CRYBA4: variants seen among roughly 807,000 people sequenced by gnomAD.
The protein encoded by CRYBA4 is crystallin beta A4, also known as beta-crystallin A4.
In CRYBA4, 30 loss-of-function variants were observed where a neutral mutation model predicts 31.7. The observed-to-expected ratio is 0.95, with a 90% CI of 0.71 to 1.28. The LOEUF (loss-of-function observed/expected upper bound fraction) is 1.28, where lower values mean the gene tolerates loss of function less well. Ranked by LOEUF, CRYBA4 falls within the 50% of genes most tolerant of loss-of-function variation. CRYBA4 has a pLI of 0.00. For synonymous variants in CRYBA4, 102 were observed against 102.3 expected, an observed-to-expected ratio of 1.00 and a Z score of 0.02; for missense variants, 225 against 260.7, an observed-to-expected ratio of 0.86 and a Z score of 0.94.
At position 26,627,400 on chromosome 22, in the gene CRYBA4, CTTTCTTTCTTTCTTTCTTTCTTTCTT is replaced by C. The variant is rs1310501730; in HGVS notation, c.301-867_301-842del. On this transcript the variant is annotated intron_variant, in intron 4 of 5. Transcript: ENST00000354760. Reference sequence around the variant, plus strand: ...TCTTTCTTTCTTTCTTTCTTTCTTTCTTTCTTTCTTTCTTTCTTTCTTTCTTTTTCTTTCTTTCTTTCTTTCCTTCT... The same window carrying C: ...TCTTTCTTTCTTTCTTTCTTTCTTTCTTTCTTTCTTTCTTTCTTTCCTTCT... 5.6e-3 allele frequency among the ~76,000 whole-genome samples: 443 copies of C among 78,430 alleles called. 13 individuals are homozygous for C. Among genetic ancestry groups the C allele is most frequent in the African/African-American group, 0.017 (210 of 12,426 alleles). The allele number at this position is 78,430 out of a possible 152,430, so 51.5% of individuals were successfully genotyped here. A position where few individuals can be genotyped will look rare whatever the true frequency, so the allele number is the denominator to read the frequency against.
the CRYBA4 span, chr22:26,608,000 G>A: frequency 6.2e-7 from 1 of 1,614,198 alleles, no homozygotes; most frequent in Non-Finnish European, 8.5e-7. Flanking sequence ...CGCGGAAGTT[G>A]GACTGCTCAA....
At chr22:26,615,489 A>G in the CRYBA4 span, among the ~76,000 whole-genome samples, 1 of 151,802 alleles carries the variant, frequency 6.6e-6, no homozygotes, top group Admixed American at 6.6e-5. Flanking sequence ...TGCACAACTC[A>G]ACTATAGGTC....
chr22:26,611,474 T>G, the CRYBA4 span, among the ~76,000 whole-genome samples: 50 of 150,032 alleles, frequency 3.3e-4, no homozygotes, highest in Non-Finnish European at 5.4e-4. Context: ...TTTTTGTTTT[T>G]TTTTTTTTTT....
At chr22:26,606,927 G>A in the CRYBA4 span, among the ~76,000 whole-genome samples, 2 of 151,952 alleles carry the variant, frequency 1.3e-5, no homozygotes, top group East Asian at 3.9e-4. Context: ...GAATCTTCTG[G>A]AAGTTGACTT....
the CRYBA4 span, chr22:26,611,922 C>T: frequency 1.4e-5 from 10 of 706,556 alleles, no homozygotes; most frequent in Non-Finnish European, 2.6e-5. Context: ...ATTCCTCCCT[C>T]TTCAGTTTGA....
the CRYBA4 span, chr22:26,607,828 GACTTAC>G: frequency 6.2e-7 from 1 of 1,611,892 alleles, no homozygotes; most frequent in Non-Finnish European, 8.5e-7. Flanking sequence ...TCAGATCTCA[GACTTAC>G]ACCTGCCCTG....
the CRYBA4 span, chr22:26,599,353 G>A: frequency 4.0e-6 from 3 of 747,936 alleles, no homozygotes; most frequent in Admixed American, 2.5e-5. Flanking sequence ...GTAACTATGG[G>A]GGACCTCAAG....
the CRYBA4 span, among the ~76,000 whole-genome samples, chr22:26,600,658 G>A: frequency 6.6e-6 from 1 of 152,168 alleles, no homozygotes; most frequent in Non-Finnish European, 1.5e-5. Flanking sequence ...ACAGTCCTTG[G>A]TACATAGTAA....
At chr22:26,616,377 A>C in the CRYBA4 span, 15 of 1,406,412 alleles carry the variant, frequency 1.1e-5, no homozygotes, top group Admixed American at 2.2e-4. Flanking sequence ...GACACCCCCA[A>C]ACTGCCTCCT....
At chr22:26,603,670 C>G in the CRYBA4 span, among the ~76,000 whole-genome samples, 2 of 151,874 alleles carry the variant, frequency 1.3e-5, no homozygotes, top group African/African-American at 4.8e-5. Flanking sequence ...TTTAGGAGGC[C>G]AAGATGGGTG....
upstream of CRYBA4, among the ~76,000 whole-genome samples, chr22:26,621,078 G>A (rs971409009): frequency 2.0e-5 from 3 of 152,106 alleles, no homozygotes; most frequent in Admixed American, 6.5e-5. Context: ...GTATGTATGA[G>A]GGACCTCTTA....
At chr22:26,615,929 A>G in the CRYBA4 span, among the ~76,000 whole-genome samples, 1 of 152,252 alleles carries the variant, frequency 6.6e-6, no homozygotes. Context: ...AGGGAAAAAG[A>G]GAATAGGGAC....
At chr22:26,627,454 CTTTT>C (rs1491445155) in intron 4 of CRYBA4, among the ~76,000 whole-genome samples, 2 of 104,414 alleles carry the variant, frequency 1.9e-5, no homozygotes, top group South Asian at 3.7e-4. Context: ...TTCCTTCTTT[CTTTT>C]TCTTTCTTTC....
the CRYBA4 span, chr22:26,599,380 A>G: frequency 2.8e-6 from 3 of 1,064,984 alleles, no homozygotes; most frequent in Non-Finnish European, 4.2e-6. Flanking sequence ...ATCTGTTTAC[A>G]GATCCAGGAG....
upstream of CRYBA4, among the ~76,000 whole-genome samples, chr22:26,618,760 C>G (rs1025889019): frequency 5.9e-5 from 9 of 152,218 alleles, no homozygotes; most frequent in Non-Finnish European, 8.8e-5. Context: ...CCTGGCCTGA[C>G]TTCCTCTTTG....
the CRYBA4 span, chr22:26,608,071 A>G: frequency 6.2e-7 from 1 of 1,613,580 alleles, no homozygotes; most frequent in Non-Finnish European, 8.5e-7. Context: ...TGGTTAGTAG[A>G]AGCCCCCACT....
At chr22:26,614,004 A>G in the CRYBA4 span, among the ~76,000 whole-genome samples, 1 of 152,200 alleles carries the variant, frequency 6.6e-6, no homozygotes, top group Non-Finnish European at 1.5e-5. Context: ...CCAGTCTCCC[A>G]TAGCTCTCCC....
At chr22:26,624,015 A>G (rs1808191376) in intron 3 of CRYBA4, among the ~76,000 whole-genome samples, 1 of 152,228 alleles carries the variant, frequency 6.6e-6, no homozygotes, top group African/African-American at 2.4e-5. Context: ...TTTAATCTTA[A>G]TTTATTTAAG....
rs752903519 is a variant in CRYBA4 at position 26,623,353 on chromosome 22, G to A, written c.158+1G>A. The A allele has an allele frequency of 4.2e-5, 68 of 1,610,304 alleles. No homozygotes were observed. Among genetic ancestry groups the A allele is most frequent in the Middle Eastern group, 1.7e-4 (1 of 6,032 alleles). ...GATCTTTGAAAGTGCTGAGTGGAGC[G>A]TGAGTCTAGGGGGACACTGAGTTGG... On this transcript the variant is annotated splice_donor_variant, in intron 3 of 5. Coordinates refer to ENST00000354760, the MANE Select transcript of CRYBA4 (RefSeq NM_001886.3). LOFTEE classifies it high-confidence loss of function.
Sources: gnomAD v4.1 joint callset for allele counts (sites outside exome capture counted in the v4.1 genomes callset) on GRCh38, gnomAD v4.1.1 for gene constraint, MANE v1.5 for transcripts, NCBI Gene and HGNC (gene_info 2026-07-23, HGNC 2026-07-21) for gene names.